The following JMY variants were observed in gnomAD, a reference collection of about 807,000 sequenced individuals.
JMY encodes junction-mediating and -regulatory protein.
Under a neutral mutation model 103.3 loss-of-function variants are expected in JMY, and 46 were observed. The ratio of observed to expected loss-of-function variants is 0.45; its 90% CI spans 0.35 to 0.57. The LOEUF (loss-of-function observed/expected upper bound fraction) is 0.57, where lower values mean the gene tolerates loss of function less well. Ranked by LOEUF, JMY falls within the 20% of genes least tolerant of loss-of-function variation. The pLI, the probability that JMY is intolerant of heterozygous loss-of-function variation, is 0.00. For missense variants in JMY, 1,238 were observed against 1,255.2 expected (o/e 0.99, Z 0.21); for synonymous variants, 526 against 489.3 (o/e 1.07, Z -0.99).
chr5:79,255,973 A>G (rs760982792), intron 1 of JMY, among the ~76,000 whole-genome samples: 14 of 152,214 alleles, frequency 9.2e-5, no homozygotes, highest in African/African-American at 2.7e-4. Context: ...GGGCTCTACA[A>G]TCAGCAAGTG....
Position 79,314,597 on chromosome 5 carries a change from C to A in JMY, c.2405C>A (p.Pro802Gln). ...GAACCATGTTCTGTTACCATAAATC[C>A]ACTCCCATCCCCTCTTCCTCCAACA... ...NLEPCSVTINPLPSPLPPTPP... is the reference protein window; with the variant it reads ...NLEPCSVTINQLPSPLPPTPP... Residue 802 changes from proline (P) to glutamine (Q), a missense_variant, in exon 9 of 11, where the codon CCA becomes CAA. By Grantham distance (76) the Pro-to-Gln change is moderately conservative. Coordinates refer to ENST00000396137, the MANE Select transcript of JMY (RefSeq NM_152405.5). 7 of 1,613,750 alleles carry A rather than the reference C, an allele frequency of 4.3e-6. No homozygotes were observed. The highest frequency in any genetic ancestry group is 1.7e-6 in the Non-Finnish European group (2 of 1,179,832).
intron 4 of JMY, among the ~76,000 whole-genome samples, chr5:79,294,352 C>T (rs1433053726): frequency 1.3e-5 from 2 of 151,884 alleles, no homozygotes; most frequent in African/African-American, 2.4e-5. Context: ...TGCAGTGAGC[C>T]GAGATTGTGC....
At chr5:79,297,398 G>C (rs1012501523) in intron 4 of JMY, among the ~76,000 whole-genome samples, 1 of 152,096 alleles carries the variant, frequency 6.6e-6, no homozygotes, top group African/African-American at 2.4e-5. Context: ...TCTGGAATTA[G>C]TTCTCTTTTC....
At chr5:79,284,941 G>A in intron 2 of JMY, 1 of 1,463,348 alleles carries the variant, frequency 6.8e-7, no homozygotes, top group African/African-American at 1.4e-5. Flanking sequence ...AGAGCCAAAA[G>A]GAAGTTACTT....
At chr5:79,284,466 T>G in intron 2 of JMY, 1 of 1,583,870 alleles carries the variant, frequency 6.3e-7, no homozygotes, top group Non-Finnish European at 8.6e-7. Flanking sequence ...GCATAAGAGG[T>G]CTTCTGTATC....
chr5:79,302,672 T>G (rs1411738049), intron 6 of JMY, among the ~76,000 whole-genome samples: 1 of 152,232 alleles, frequency 6.6e-6, no homozygotes, highest in Non-Finnish European at 1.5e-5. Flanking sequence ...TGGGAAATTT[T>G]ACATACCACA....
intron 1 of JMY, among the ~76,000 whole-genome samples, chr5:79,244,028 G>C (rs1580325057): frequency 6.7e-6 from 1 of 149,914 alleles, no homozygotes; most frequent in African/African-American, 2.5e-5. Flanking sequence ...TTTGAGACAG[G>C]CTTGCTCTGT....
At chr5:79,292,757 C>T (rs1022218910) in intron 4 of JMY, among the ~76,000 whole-genome samples, 3 of 152,074 alleles carry the variant, frequency 2.0e-5, no homozygotes, top group Non-Finnish European at 4.4e-5. Context: ...AGAGGAAAAA[C>T]GAGCATGAAA....
intron 1 of JMY, among the ~76,000 whole-genome samples, chr5:79,259,233 A>G (rs1412888188): frequency 6.6e-6 from 1 of 152,108 alleles, no homozygotes; most frequent in Admixed American, 6.5e-5. Flanking sequence ...CCAGCTGGCT[A>G]TCTGGTCGTC....
chr5:79,318,925 T>A lies in JMY; in HGVS notation c.*3+2615T>A, dbSNP rs1286688957. Among the ~76,000 whole-genome samples, 3 of 152,330 alleles carry A rather than the reference T, an allele frequency of 2.0e-5. No homozygotes were observed. In the East Asian group the frequency reaches 5.8e-4, roughly 29 times the overall value. ...GTTCTTACTACCATGTGTTGTTTCC[T>A]TCTGCTGTAGCTTCTCAGGAAGCTG... is the stretch of plus-strand genomic sequence containing the variant. On this transcript the variant is annotated intron_variant, in intron 10 of 10. Transcript: ENST00000396137.
intron 6 of JMY, among the ~76,000 whole-genome samples, chr5:79,304,080 A>AGTAT (rs1296620591): frequency 1.3e-5 from 2 of 152,154 alleles, no homozygotes; most frequent in African/African-American, 4.8e-5. Flanking sequence ...CAATTTAATC[A>AGTAT]GTATTCTTCA....
intron 2 of JMY, among the ~76,000 whole-genome samples, chr5:79,280,277 A>G (rs527646031): frequency 4.6e-5 from 7 of 152,340 alleles, no homozygotes; most frequent in East Asian, 1.9e-4. Context: ...CATAATCTCT[A>G]TAGCACAGCA....
At chr5:79,248,294 A>T (rs1580328025) in intron 1 of JMY, among the ~76,000 whole-genome samples, 1 of 149,482 alleles carries the variant, frequency 6.7e-6, no homozygotes, top group East Asian at 2.0e-4. Flanking sequence ...ATAACATTGA[A>T]TTTAGTCTTG....
chr5:79,312,112 T>A (rs1747065348), intron 7 of JMY, among the ~76,000 whole-genome samples: 1 of 152,182 alleles, frequency 6.6e-6, no homozygotes, highest in African/African-American at 2.4e-5. Flanking sequence ...CCACCGTGTC[T>A]GGCTGGTTGC....
intron 6 of JMY, 77 bp downstream of exon 6, chr5:79,300,940 C>A: frequency 2.4e-6 from 3 of 1,264,686 alleles, no homozygotes; most frequent in South Asian, 1.6e-5. Flanking sequence ...GTCTTTAAAA[C>A]TTGCTTATGT....
chr5:79,249,967 T>A (rs574609031), intron 1 of JMY, among the ~76,000 whole-genome samples: 7 of 152,294 alleles, frequency 4.6e-5, no homozygotes, highest in African/African-American at 1.4e-4. Context: ...TAAAATGGCA[T>A]AATAACTATA....
At chr5:79,281,025 ATTTATT>A (rs199882477) in intron 2 of JMY, among the ~76,000 whole-genome samples, 10 of 151,056 alleles carry the variant, frequency 6.6e-5, no homozygotes, top group African/African-American at 1.2e-4. Flanking sequence ...AAAGAAAATA[ATTTATT>A]TTTATTTTTA....
At chr5:79,315,257 T>C (rs376442789) in intron 9 of JMY, among the ~76,000 whole-genome samples, 1 of 152,336 alleles carries the variant, frequency 6.6e-6, no homozygotes, top group East Asian at 1.9e-4. Flanking sequence ...CATACATTTG[T>C]TGAGGACTTT....
rs376180978 is a variant in JMY at position 79,300,802 on chromosome 5, G to A, written c.1820G>A (p.Arg607His). The A allele has an allele frequency of 1.8e-5, 29 of 1,610,430 alleles. No homozygotes were observed. The highest frequency in any genetic ancestry group is 1.2e-5 in the Non-Finnish European group (14 of 1,178,826). The change falls in exon 6 of 11, where the codon CGC (arginine) becomes CAC (histidine). Residue 607 changes from arginine (R) to histidine (H), a missense_variant. Transcript: ENST00000396137. The stretch of plus-strand genomic sequence containing the variant: ...CTGCAGAAACTTCAGCAGAAAGCAC[G>A]CCAGCTGGAAGCAAGACGTGGACGG... ...EELQKLQQKA[R>H]QLEARRGRVS...
Sources: allele counts gnomAD v4.1 joint callset (sites outside exome capture counted in the v4.1 genomes callset), GRCh38; gene constraint gnomAD v4.1.1; transcripts MANE v1.5; gene names NCBI Gene and HGNC (gene_info 2026-07-23, HGNC 2026-07-21).